Variants in VRK2 observed in about 807,000 individuals in gnomAD.
VRK2 encodes VRK serine/threonine kinase 2, also known as serine/threonine-protein kinase VRK2.
Under a neutral mutation model 57.6 loss-of-function variants are expected in VRK2, and 60 were observed. The observed-to-expected ratio is 1.04, with a 90% CI of 0.85 to 1.29. VRK2 has a LOEUF of 1.29. Ranked by LOEUF, VRK2 falls within the 50% of genes most tolerant of loss-of-function variation. VRK2 has a pLI of 0.00. For synonymous variants in VRK2, 231 were observed against 199.2 expected (o/e 1.16, Z -1.35); for missense variants, 705 against 588.1 (o/e 1.20, Z -2.06).
chr2:58,078,712 A>G (rs1670465395), intron 2 of VRK2, among the ~76,000 whole-genome samples: 1 of 152,074 alleles, frequency 6.6e-6, no homozygotes, highest in Non-Finnish European at 1.5e-5. Flanking sequence ...AGCCATCCTA[A>G]TGGATAGGGG....
At chr2:57,996,700 T>G (rs1052016187) in intron 1 of VRK2, among the ~76,000 whole-genome samples, 1 of 152,168 alleles carries the variant, frequency 6.6e-6, no homozygotes, top group Admixed American at 6.5e-5. Flanking sequence ...TTGTTATTAT[T>G]ATACTATTTT....
At chr2:58,021,954 G>A (rs1055025245) in intron 1 of VRK2, among the ~76,000 whole-genome samples, 27 of 152,136 alleles carry the variant, frequency 1.8e-4, no homozygotes, top group Non-Finnish European at 1.0e-4. Context: ...GTTGTAAAAT[G>A]TCCACTTGAA....
Position 58,047,770 on chromosome 2 carries a change from T to TA in VRK2, c.-6+905dup, listed in dbSNP as rs575397331. ...CTATCAGGAGGAAGGTGAATATTGT[T>TA]AAAGATACACGCAGCGACTCTACCT... On this transcript the variant is annotated intron_variant, in intron 1 of 12. Transcript: ENST00000340157. Among the ~76,000 whole-genome samples the TA allele has an allele frequency of 9.7e-4, 147 of 152,250 alleles. 2 individuals are homozygous for TA. The South Asian group carries it at 0.03, about 31-fold the overall frequency.
chr2:58,042,722 A>T (rs980392029), upstream of VRK2, among the ~76,000 whole-genome samples: 1 of 152,222 alleles, frequency 6.6e-6, no homozygotes, highest in African/African-American at 2.4e-5. Flanking sequence ...CAGCCAAGAA[A>T]GTCCTTTTGT....
At chr2:58,038,813 T>A (rs1034587411) in intron 3 of VRK2, among the ~76,000 whole-genome samples, 2 of 152,146 alleles carry the variant, frequency 1.3e-5, no homozygotes, top group Non-Finnish European at 2.9e-5. Context: ...TTCCTGTTAA[T>A]CTGTCTTTTG....
chr2:57,986,022 T>C (rs929319038), intron 1 of VRK2, among the ~76,000 whole-genome samples: 2 of 152,148 alleles, frequency 1.3e-5, no homozygotes, highest in Non-Finnish European at 2.9e-5. Context: ...AGAATACCTT[T>C]AGATGTCCGC....
intron 8 of VRK2, among the ~76,000 whole-genome samples, chr2:58,126,317 C>T (rs1237225946): frequency 6.6e-6 from 1 of 152,080 alleles, no homozygotes; most frequent in African/African-American, 2.4e-5. Flanking sequence ...CCTGATCAGA[C>T]TGTCTGTTCT....
intron 1 of VRK2, among the ~76,000 whole-genome samples, chr2:57,995,216 C>G (rs547679161): frequency 8.5e-5 from 13 of 152,094 alleles, no homozygotes; most frequent in Non-Finnish European, 1.9e-4. Context: ...GGCTCTTTCA[C>G]CCATCTATGA....
chr2:57,939,187 A>AC (rs1296951495), intron 1 of VRK2, among the ~76,000 whole-genome samples: 1 of 152,236 alleles, frequency 6.6e-6, no homozygotes, highest in Non-Finnish European at 1.5e-5. Context: ...ATTTTCAGAA[A>AC]CAACTTTACA....
At chr2:57,983,171 C>T (rs866878085) in intron 1 of VRK2, among the ~76,000 whole-genome samples, 6 of 152,250 alleles carry the variant, frequency 3.9e-5, no homozygotes, top group Middle Eastern at 3.4e-3. Context: ...TGCTGATCTA[C>T]TTGAGGGCCT....
intron 1 of VRK2, among the ~76,000 whole-genome samples, chr2:57,976,173 A>G (rs922178817): frequency 1.3e-5 from 2 of 152,086 alleles, no homozygotes; most frequent in African/African-American, 4.8e-5. Context: ...TTCAGCATCT[A>G]GGCTGATTCT....
At chr2:58,107,307 T>C in intron 7 of VRK2, among the ~76,000 whole-genome samples, 1 of 152,166 alleles carries the variant, frequency 6.6e-6, no homozygotes, top group Admixed American at 6.6e-5. Context: ...CCTTTTATTT[T>C]TTTTGTAAAA....
intron 1 of VRK2, among the ~76,000 whole-genome samples, chr2:58,019,273 C>T (rs531700832): frequency 6.6e-6 from 1 of 152,294 alleles, no homozygotes; most frequent in Non-Finnish European, 1.5e-5. Context: ...ACTATTAATA[C>T]TTTAAGTGTC....
At chr2:58,127,246 A>G (rs570566944) in intron 8 of VRK2, among the ~76,000 whole-genome samples, 1 of 152,262 alleles carries the variant, frequency 6.6e-6, no homozygotes, top group Non-Finnish European at 1.5e-5. Context: ...AACTTACAAA[A>G]TATATGTGAA....
intron 1 of VRK2, among the ~76,000 whole-genome samples, chr2:57,956,108 T>A (rs1001519982): frequency 1.3e-5 from 2 of 152,138 alleles, no homozygotes; most frequent in African/African-American, 4.8e-5. Flanking sequence ...AAAATAGTAT[T>A]CAGGCCAGGT....
intron 1 of VRK2, among the ~76,000 whole-genome samples, chr2:58,007,687 G>A (rs997656228): frequency 6.6e-6 from 1 of 152,082 alleles, no homozygotes; most frequent in African/African-American, 2.4e-5. Context: ...TAGTAGTTAA[G>A]TTCTGGGGAA....
At chr2:58,096,108 A>G (rs1673088489) in intron 7 of VRK2, among the ~76,000 whole-genome samples, 3 of 152,220 alleles carry the variant, frequency 2.0e-5, no homozygotes, top group Middle Eastern at 6.8e-3. Context: ...AGCTTCTAAT[A>G]TTGAACCAAC....
intron 1 of VRK2, among the ~76,000 whole-genome samples, chr2:57,978,428 C>T (rs1173857233): frequency 6.6e-6 from 1 of 150,908 alleles, no homozygotes. Context: ...GCCTTGATAA[C>T]AGAAGACCTA....
chr2:58,091,688 C>A (rs191324874), intron 7 of VRK2, among the ~76,000 whole-genome samples: 1 of 150,362 alleles, frequency 6.7e-6, no homozygotes, highest in Non-Finnish European at 1.5e-5. Flanking sequence ...AATATCTAGC[C>A]GGTACTAAAA....
Sources: allele counts gnomAD v4.1 joint callset (sites outside exome capture counted in the v4.1 genomes callset), GRCh38; gene constraint gnomAD v4.1.1; transcripts MANE v1.5; gene names NCBI Gene and HGNC (gene_info 2026-07-23, HGNC 2026-07-21).